ANO3: variants seen among roughly 807,000 people sequenced by gnomAD.
ANO3 encodes anoctamin 3.
In ANO3, 99 loss-of-function variants were observed where a neutral mutation model predicts 144.8. The ratio of observed to expected loss-of-function variants is 0.68; its 90% confidence interval spans 0.58 to 0.81. ANO3 has a LOEUF of 0.81. Among genes scored for constraint, ANO3 ranks in the 30% least tolerant of loss-of-function variants. ANO3 has a pLI of 0.00. For missense variants in ANO3, 905 were observed against 1,202.2 expected (o/e 0.75, Z 3.66); for synonymous variants, 414 against 392.6 (o/e 1.05, Z -0.64).
intron 17 of ANO3, among the ~76,000 whole-genome samples, chr11:26,619,677 G>T (rs1852358810): frequency 6.6e-6 from 1 of 151,998 alleles, no homozygotes; most frequent in South Asian, 2.1e-4. Context: ...ATGTTGGCCT[G>T]GCTGGTCTCA....
At chr11:26,633,902 C>A (rs1177579037) in intron 18 of ANO3, among the ~76,000 whole-genome samples, 2 of 151,618 alleles carry the variant, frequency 1.3e-5, no homozygotes, top group Admixed American at 6.6e-5. Context: ...ATGGTGAAAC[C>A]CCCACTTCTA....
intron 1 of ANO3, among the ~76,000 whole-genome samples, chr11:26,298,526 G>A (rs531332001): frequency 2.6e-5 from 4 of 152,132 alleles, no homozygotes; most frequent in South Asian, 2.1e-4. Context: ...TGTAGAGCTC[G>A]TTTTCAAATA....
chr11:26,429,686 G>A (rs1350711553), intron 1 of ANO3, among the ~76,000 whole-genome samples: 1 of 152,114 alleles, frequency 6.6e-6, no homozygotes, highest in Non-Finnish European at 1.5e-5. Flanking sequence ...TAGAAAGAAA[G>A]GTTGCAGTTC....
intron 1 of ANO3, among the ~76,000 whole-genome samples, chr11:26,340,342 C>T (rs1045214791): frequency 1.3e-5 from 2 of 152,190 alleles, no homozygotes; most frequent in African/African-American, 4.8e-5. Flanking sequence ...AATGTATGCA[C>T]AAGAGCTGGC....
At chr11:26,583,654 A>G (rs527505761) in intron 14 of ANO3, among the ~76,000 whole-genome samples, 1 of 152,334 alleles carries the variant, frequency 6.6e-6, no homozygotes, top group East Asian at 1.9e-4. Flanking sequence ...ACAATGTCCC[A>G]TATTCATGGC....
At chr11:26,569,092 T>A (rs1276591815) in intron 14 of ANO3, among the ~76,000 whole-genome samples, 1 of 151,620 alleles carries the variant, frequency 6.6e-6, no homozygotes, top group Admixed American at 6.6e-5. Context: ...ATTACCTGCC[T>A]GTAATGAAAA....
At chr11:26,568,867 C>T (rs979907424) in intron 14 of ANO3, among the ~76,000 whole-genome samples, 6 of 152,024 alleles carry the variant, frequency 3.9e-5, no homozygotes, top group Non-Finnish European at 7.4e-5. Flanking sequence ...ACATAATGCT[C>T]CTTTTCATTA....
At chr11:26,485,753 G>T (rs2134096385) in intron 4 of ANO3, among the ~76,000 whole-genome samples, 1 of 151,968 alleles carries the variant, frequency 6.6e-6, no homozygotes, top group East Asian at 1.9e-4. Flanking sequence ...GAATGTACTA[G>T]AAAAAAACCT....
intron 4 of ANO3, among the ~76,000 whole-genome samples, chr11:26,488,361 G>A (rs910018236): frequency 1.2e-4 from 18 of 152,202 alleles, no homozygotes; most frequent in African/African-American, 4.3e-4. Flanking sequence ...GGAAATGTCT[G>A]CAGGCCATGT....
intron 1 of ANO3, among the ~76,000 whole-genome samples, chr11:26,255,810 A>T (rs560301396): frequency 6.6e-6 from 1 of 152,248 alleles, no homozygotes; most frequent in South Asian, 2.1e-4. Flanking sequence ...CTACAGTCTT[A>T]TCTAAGCCGT....
At chr11:26,383,142 A>T (rs897054066) in intron 1 of ANO3, among the ~76,000 whole-genome samples, 3 of 152,170 alleles carry the variant, frequency 2.0e-5, no homozygotes, top group African/African-American at 7.2e-5. Context: ...GATTTTAGTG[A>T]TCAAATGAGG....
chr11:26,653,641 T>C (rs541215616), intron 24 of ANO3, among the ~76,000 whole-genome samples: 17 of 152,022 alleles, frequency 1.1e-4, no homozygotes, highest in Admixed American at 9.8e-4. Context: ...CCTCCCTTTG[T>C]TTCCACCACC....
intron 1 of ANO3, among the ~76,000 whole-genome samples, chr11:26,290,517 G>T (rs1339911666): frequency 6.6e-6 from 1 of 152,080 alleles, no homozygotes; most frequent in African/African-American, 2.4e-5. Context: ...GTCAATTTTG[G>T]ATCTTTCCTG....
chr11:26,364,883 T>C (rs1856023075), intron 1 of ANO3, among the ~76,000 whole-genome samples: 1 of 152,172 alleles, frequency 6.6e-6, no homozygotes, highest in African/African-American at 2.4e-5. Flanking sequence ...CCTCTCCCAT[T>C]GCGAAATACA....
At chr11:26,440,976 G>A (rs1858488194) in intron 1 of ANO3, among the ~76,000 whole-genome samples, 1 of 152,020 alleles carries the variant, frequency 6.6e-6, no homozygotes, top group South Asian at 2.1e-4. Context: ...AGTGTAGGGG[G>A]ACTTCTGCTT....
intron 17 of ANO3, among the ~76,000 whole-genome samples, chr11:26,605,303 G>A (rs549021554): frequency 9.9e-5 from 15 of 152,136 alleles, no homozygotes; most frequent in Non-Finnish European, 2.1e-4. Context: ...TTGATGTGCT[G>A]CTGGATTCGG....
chr11:26,576,193 C>G (rs1850981448), intron 14 of ANO3, among the ~76,000 whole-genome samples: 4 of 152,144 alleles, frequency 2.6e-5, no homozygotes, highest in Admixed American at 2.6e-4. Context: ...GGTTTTGCCA[C>G]TTAATGGTTT....
At chr11:26,506,978 C>T (rs900471539) in intron 4 of ANO3, among the ~76,000 whole-genome samples, 16 of 152,136 alleles carry the variant, frequency 1.1e-4, no homozygotes, top group Admixed American at 5.9e-4. Flanking sequence ...CATTTTGAAT[C>T]TCAAGAATGC....
At chr11:26,507,721 A>T (rs182202185) in intron 4 of ANO3, among the ~76,000 whole-genome samples, 30 of 152,286 alleles carry the variant, frequency 2.0e-4, no homozygotes, top group Middle Eastern at 3.4e-3. Flanking sequence ...TCTGGTCATG[A>T]TATTTAGTAA....
Sources: gnomAD v4.1 joint callset for allele counts (sites outside exome capture counted in the v4.1 genomes callset) on GRCh38, gnomAD v4.1.1 for gene constraint, MANE v1.5 for transcripts, NCBI Gene and HGNC (gene_info 2026-07-23, HGNC 2026-07-21) for gene names.